The following MARCHF3 variants were observed in gnomAD, a reference collection of about 807,000 sequenced individuals.
The protein encoded by MARCHF3 is E3 ubiquitin-protein ligase MARCHF3.
MARCHF3 carries 13 observed loss-of-function variants against 24.2 expected under a neutral mutation model. That is an observed-to-expected ratio of 0.54 (90% confidence interval 0.35 to 0.85). The LOEUF is 0.85. Ranked by LOEUF, MARCHF3 falls within the 40% of genes least tolerant of loss-of-function variation. The pLI, the probability that MARCHF3 is intolerant of heterozygous loss-of-function variation, is 0.01. For missense variants in MARCHF3, 276 were observed against 325.0 expected (o/e 0.85, Z 1.16); for synonymous variants, 144 against 137.3 (o/e 1.05, Z -0.34).
intron 1 of MARCHF3, among the ~76,000 whole-genome samples, chr5:127,009,427 T>C (rs1752411474): frequency 6.6e-6 from 1 of 152,226 alleles, no homozygotes; most frequent in Non-Finnish European, 1.5e-5. Flanking sequence ...GAACTTAAAA[T>C]AATAAAGGAT....
intron 3 of MARCHF3, among the ~76,000 whole-genome samples, chr5:126,892,478 A>G (rs1753730577): frequency 6.8e-6 from 1 of 147,038 alleles, no homozygotes; most frequent in Non-Finnish European, 1.5e-5. Flanking sequence ...TACCTAATTT[A>G]TTGAGAGTTT....
intron 1 of MARCHF3, among the ~76,000 whole-genome samples, chr5:126,943,960 G>A (rs991064363): frequency 2.6e-5 from 4 of 152,078 alleles, no homozygotes; most frequent in Middle Eastern, 3.4e-3. Context: ...ATAGGCGGCC[G>A]CCATCACGCC....
intron 1 of MARCHF3, among the ~76,000 whole-genome samples, chr5:126,946,757 T>C (rs1437989510): frequency 6.8e-6 from 1 of 146,130 alleles, no homozygotes; most frequent in Non-Finnish European, 1.5e-5. Flanking sequence ...CTCGTGTAAG[T>C]AGGGGTGTGT....
intron 1 of MARCHF3, among the ~76,000 whole-genome samples, chr5:126,932,064 G>A (rs1198562259): frequency 2.0e-5 from 3 of 152,248 alleles, no homozygotes; most frequent in African/African-American, 7.2e-5. Context: ...TTAGCACACA[G>A]CAAACACCAC....
chr5:126,918,435 T>C (rs73335498), intron 1 of MARCHF3, among the ~76,000 whole-genome samples: 13,945 of 152,072 alleles, frequency 0.092, 1,418 homozygotes, highest in African/African-American at 0.25. Flanking sequence ...ATGGTATGAA[T>C]AAGACAGCAA....
intron 1 of MARCHF3, among the ~76,000 whole-genome samples, chr5:126,929,262 G>A (rs1258143986): frequency 6.6e-6 from 1 of 152,130 alleles, no homozygotes; most frequent in East Asian, 1.9e-4. Flanking sequence ...TGGAACCCCA[G>A]GATTGGCTTG....
intron 3 of MARCHF3, among the ~76,000 whole-genome samples, chr5:126,886,863 C>T (rs914017907): frequency 3.3e-5 from 5 of 152,128 alleles, no homozygotes; most frequent in African/African-American, 7.2e-5. Context: ...TCAGTCTCAT[C>T]CTTATTTCTC....
chr5:126,946,385 A>AAAAG (rs1277167372), intron 1 of MARCHF3: 4 of 151,710 alleles, frequency 2.6e-5, no homozygotes, highest in African/African-American at 9.7e-5. Context: ...AAAAAAAAAA[A>AAAAG]AAAAAGGAAT....
intron 3 of MARCHF3, among the ~76,000 whole-genome samples, chr5:126,912,648 C>T (rs997094482): frequency 6.6e-6 from 1 of 152,024 alleles, no homozygotes; most frequent in Non-Finnish European, 1.5e-5. Context: ...AATAAACTGC[C>T]CTCTGATAAG....
In MARCHF3 at chr5:126,914,679, T is replaced by A. The variant is rs371469239; in HGVS notation, c.393+251A>T. The A allele has an allele frequency of 1.4e-4, 79 of 568,888 alleles. No homozygotes were observed. In the South Asian group the frequency reaches 1.8e-3, roughly 13 times the overall value. 35.2% of individuals were successfully genotyped at this position (568,888 alleles called of 1,614,324 possible). On this transcript the variant is annotated intron_variant, in intron 3 of 4. Coordinates refer to ENST00000308660, the MANE Select transcript of MARCHF3 (RefSeq NM_178450.5). ...CTGGCCCTTTCTCCTTATACTAATTTATTCTGCTTTCCTTCTACTGCTGGA... is the reference window on the plus strand; with the variant it reads ...CTGGCCCTTTCTCCTTATACTAATTAATTCTGCTTTCCTTCTACTGCTGGA...
intron 1 of MARCHF3, among the ~76,000 whole-genome samples, chr5:126,966,767 T>C (rs1377383279): frequency 6.6e-6 from 1 of 152,054 alleles, no homozygotes; most frequent in African/African-American, 2.4e-5. Flanking sequence ...TGCTATTCTG[T>C]AATACAGTGA....
At chr5:126,912,593 A>C (rs556178292) in intron 3 of MARCHF3, among the ~76,000 whole-genome samples, 1 of 152,302 alleles carries the variant, frequency 6.6e-6, no homozygotes, top group South Asian at 2.1e-4. Context: ...AAAAAGATGC[A>C]TGTTTATCTT....
At chr5:126,910,333 C>T (rs748400662) in intron 3 of MARCHF3, among the ~76,000 whole-genome samples, 17 of 152,180 alleles carry the variant, frequency 1.1e-4, no homozygotes, top group Non-Finnish European at 1.5e-4. Context: ...ATTTGCTTGT[C>T]GTAAGATGGG....
At chr5:126,890,060 A>T (rs907343857) in intron 3 of MARCHF3, among the ~76,000 whole-genome samples, 1 of 151,202 alleles carries the variant, frequency 6.6e-6, no homozygotes, top group East Asian at 1.9e-4. Flanking sequence ...TGTGTTAACC[A>T]CTCCCCTGGA....
At chr5:127,012,909 G>A (rs2126858349) in intron 1 of MARCHF3, among the ~76,000 whole-genome samples, 1 of 152,194 alleles carries the variant, frequency 6.6e-6, no homozygotes, top group Middle Eastern at 3.4e-3. Flanking sequence ...GAAATGAATA[G>A]AGTTCAACAC....
At chr5:126,970,945 T>A (rs947863328) in intron 1 of MARCHF3, among the ~76,000 whole-genome samples, 1 of 152,198 alleles carries the variant, frequency 6.6e-6, no homozygotes, top group African/African-American at 2.4e-5. Flanking sequence ...GTCTTGCTGA[T>A]GTCACATGAA....
chr5:126,956,366 T>C (rs1462038068), intron 1 of MARCHF3, among the ~76,000 whole-genome samples: 1 of 152,068 alleles, frequency 6.6e-6, no homozygotes, highest in African/African-American at 2.4e-5. Flanking sequence ...GGTCCAGGCA[T>C]GGTGGCTCAC....
intron 1 of MARCHF3, among the ~76,000 whole-genome samples, chr5:126,980,518 G>A (rs567770223): frequency 6.4e-4 from 98 of 152,022 alleles, no homozygotes; most frequent in South Asian, 4.4e-3. Context: ...CTACAGGTGC[G>A]CACCACCAGG....
At chr5:126,994,565 T>C (rs1380718753) in intron 1 of MARCHF3, among the ~76,000 whole-genome samples, 1 of 152,244 alleles carries the variant, frequency 6.6e-6, no homozygotes, top group Non-Finnish European at 1.5e-5. Flanking sequence ...AAATGTTCAA[T>C]GTAAGAAAGG....
Sources: allele counts gnomAD v4.1 joint callset (sites outside exome capture counted in the v4.1 genomes callset), GRCh38; gene constraint gnomAD v4.1.1; transcripts MANE v1.5; gene names NCBI Gene and HGNC (gene_info 2026-07-23, HGNC 2026-07-21).